TOX3: variants seen among roughly 807,000 people sequenced by gnomAD.
The protein encoded by TOX3 is TOX high mobility group box family member 3.
Under a neutral mutation model 64.3 loss-of-function variants are expected in TOX3, and 22 were observed. The ratio of observed to expected loss-of-function variants is 0.34; its 90% CI spans 0.24 to 0.49. The LOEUF (loss-of-function observed/expected upper bound fraction) is 0.49, where lower values mean the gene tolerates loss of function less well. Among genes scored for constraint, TOX3 ranks in the 20% least tolerant of loss-of-function variants. TOX3 has a pLI of 0.99. For missense variants in TOX3, 661 were observed against 714.4 expected, an observed-to-expected ratio of 0.93 and a Z score of 0.85; for synonymous variants, 291 against 273.6, an observed-to-expected ratio of 1.06 and a Z score of -0.63.
chr16:52,472,789 G>A (rs1166137050), intron 1 of TOX3, among the ~76,000 whole-genome samples: 4 of 152,078 alleles, frequency 2.6e-5, no homozygotes, highest in South Asian at 2.1e-4. Context: ...GGGAATCAGG[G>A]GTATTTGGCA....
At chr16:52,476,426 CAAAT>C (rs1961208885) in intron 1 of TOX3, among the ~76,000 whole-genome samples, 2 of 151,990 alleles carry the variant, frequency 1.3e-5, no homozygotes, top group Non-Finnish European at 2.9e-5. Context: ...ATCAGGAAAA[CAAAT>C]ATAAGTAGAA....
intron 1 of TOX3, among the ~76,000 whole-genome samples, chr16:52,517,649 C>T (rs1962493475): frequency 6.6e-6 from 1 of 151,976 alleles, no homozygotes; most frequent in African/African-American, 2.4e-5. Flanking sequence ...TATTAAAAAT[C>T]CTAGCTGCCC....
chr16:52,446,201 A>G lies in TOX3; in HGVS notation c.699T>C (p.Ala233=), dbSNP rs754325098. The change falls in exon 5 of 7, where the codon GCT becomes GCC. Residue 233 remains alanine, a synonymous_variant. Transcript: ENST00000219746. ...EANRAIGEKR[A]APDSGKKPKT... is the part of the protein sequence containing the mutation. ...TGGGCTTCTTGCCAGAGTCTGGAGC[A>G]GCTCTTTTCTCTCCAATGGCCTGCA... is the stretch of plus-strand genomic sequence containing the variant. 154 of 1,613,380 alleles carry G rather than the reference A, an allele frequency of 9.5e-5. No homozygotes were observed. Among genetic ancestry groups the G allele is most frequent in the Non-Finnish European group, 1.3e-4 (150 of 1,179,784 alleles).
intron 1 of TOX3, among the ~76,000 whole-genome samples, chr16:52,497,158 G>A (rs541877696): frequency 2.6e-5 from 4 of 152,258 alleles, no homozygotes; most frequent in African/African-American, 9.6e-5. Flanking sequence ...GAATTATTCT[G>A]AAAATCAGCA....
chr16:52,448,912 A>ACTCCTCTCTTTGTGGGTTG (rs1960250429), intron 4 of TOX3, among the ~76,000 whole-genome samples: 2 of 151,978 alleles, frequency 1.3e-5, no homozygotes, highest in Non-Finnish European at 2.9e-5. Flanking sequence ...GGGGGAGAAC[A>ACTCCTCTCTTTGTGGGTTG]CTCCTCTCTT....
At chr16:52,502,983 A>G (rs1253232562) in intron 1 of TOX3, among the ~76,000 whole-genome samples, 2 of 152,236 alleles carry the variant, frequency 1.3e-5, no homozygotes, top group African/African-American at 4.8e-5. Flanking sequence ...CACGAAAAGC[A>G]GGAAAGCAAC....
intron 3 of TOX3, among the ~76,000 whole-genome samples, chr16:52,450,818 AAGG>A (rs1960319810): frequency 1.9e-5 from 1 of 51,736 alleles, no homozygotes; most frequent in Non-Finnish European, 5.9e-5. Context: ...GGAAGGAAGG[AAGG>A]AAGGAAGGAA....
At chr16:52,510,780 A>AG (rs56761636) in intron 1 of TOX3, among the ~76,000 whole-genome samples, 13 of 139,074 alleles carry the variant, frequency 9.3e-5, no homozygotes, top group South Asian at 7.1e-4. Context: ...AAAAAAAAAA[A>AG]GAAGAAGAAG....
chr16:52,486,099 C>A (rs1353507712), intron 1 of TOX3, among the ~76,000 whole-genome samples: 1 of 152,140 alleles, frequency 6.6e-6, no homozygotes, highest in Non-Finnish European at 1.5e-5. Context: ...ATGTGAGACT[C>A]TTTGTGAGAC....
At chr16:52,500,562 C>T (rs180744819) in intron 1 of TOX3, among the ~76,000 whole-genome samples, 1 of 152,278 alleles carries the variant, frequency 6.6e-6, no homozygotes, top group Admixed American at 6.5e-5. Context: ...ATATCAAAGG[C>T]TGATCAAGAC....
chr16:52,520,470 T>C (rs1027946401), intron 1 of TOX3, among the ~76,000 whole-genome samples: 1 of 152,236 alleles, frequency 6.6e-6, no homozygotes, highest in African/African-American at 2.4e-5. Context: ...TCATGTTCAA[T>C]GTCAGCTCTT....
chr16:52,467,766 C>T (rs1393038026), intron 2 of TOX3, among the ~76,000 whole-genome samples: 1 of 152,052 alleles, frequency 6.6e-6, no homozygotes, highest in Non-Finnish European at 1.5e-5. Context: ...CAAACAGCAG[C>T]CCAAAATCAA....
At chr16:52,529,126 C>G (rs1354029595) in intron 1 of TOX3, among the ~76,000 whole-genome samples, 1 of 152,160 alleles carries the variant, frequency 6.6e-6, no homozygotes, top group Non-Finnish European at 1.5e-5. Context: ...GGAATTAATA[C>G]TTTTTGAATG....
chr16:52,508,383 G>A (rs925249199), intron 1 of TOX3, among the ~76,000 whole-genome samples: 1 of 152,270 alleles, frequency 6.6e-6, no homozygotes, highest in Non-Finnish European at 1.5e-5. Flanking sequence ...TGCAGGACCC[G>A]CCCATGATAG....
intron 1 of TOX3, among the ~76,000 whole-genome samples, chr16:52,497,894 A>G (rs1243888251): frequency 2.6e-5 from 4 of 152,218 alleles, no homozygotes; most frequent in African/African-American, 9.6e-5. Flanking sequence ...AATCAACATT[A>G]TTCAGCAACT....
At chr16:52,460,706 T>C (rs1278347999) in intron 3 of TOX3, among the ~76,000 whole-genome samples, 1 of 140,950 alleles carries the variant, frequency 7.1e-6, no homozygotes. Flanking sequence ...AATTAAGTAC[T>C]TAAGCCAAAT....
At chr16:52,467,896 C>A (rs185550216) in intron 2 of TOX3, among the ~76,000 whole-genome samples, 1 of 152,258 alleles carries the variant, frequency 6.6e-6, no homozygotes, top group Non-Finnish European at 1.5e-5. Context: ...CACCCAGTTT[C>A]CCCAGCTGTG....
intron 1 of TOX3, among the ~76,000 whole-genome samples, chr16:52,545,792 C>A (rs1020018683): frequency 6.6e-6 from 1 of 152,104 alleles, no homozygotes; most frequent in African/African-American, 2.4e-5. Flanking sequence ...GAATTCCGCG[C>A]GGCCCGGGTA....
chr16:52,499,825 C>G lies in TOX3; in HGVS notation c.88-31251G>C, dbSNP rs45587444. 9.4e-3 allele frequency among the ~76,000 whole-genome samples: 1,428 copies of G among 152,304 alleles called. 16 individuals carry two copies. Among genetic ancestry groups the G allele is most frequent in the Admixed American group, 0.018 (268 of 15,302 alleles). On this transcript the variant is annotated intron_variant, in intron 1 of 6. Coordinates refer to ENST00000219746, the MANE Select transcript of TOX3 (RefSeq NM_001080430.4). ...GCTGCTGAACAACTTTCCAGCCACC[C>G]TAGGTACAAGGAAAGGATGCAAAGC...
Sources: allele counts gnomAD v4.1 joint callset (sites outside exome capture counted in the v4.1 genomes callset), GRCh38; gene constraint gnomAD v4.1.1; transcripts MANE v1.5; gene names NCBI Gene and HGNC (gene_info 2026-07-23, HGNC 2026-07-21).